C2CD2: variants seen among roughly 807,000 people sequenced by gnomAD.
The protein encoded by C2CD2 is C2 calcium dependent domain containing 2.
A neutral mutation model predicts 74.3 loss-of-function variants in C2CD2; 43 were observed. The ratio of observed to expected loss-of-function variants is 0.58; its 90% CI spans 0.45 to 0.75. The LOEUF (loss-of-function observed/expected upper bound fraction) is 0.75, where lower values mean the gene tolerates loss of function less well. Ranked by LOEUF, C2CD2 falls within the 30% of genes least tolerant of loss-of-function variation. C2CD2 has a pLI of 0.00. For synonymous variants in C2CD2, 422 were observed against 390.7 expected, an observed-to-expected ratio of 1.08 and a Z score of -0.94; for missense variants, 801 against 916.3, an observed-to-expected ratio of 0.87 and a Z score of 1.63.
intron 4 of C2CD2, 88 bp from the exon 5 acceptor site, chr21:41,918,315 C>A (rs987962655): frequency 1.4e-6 from 2 of 1,388,744 alleles, no homozygotes; most frequent in Admixed American, 2.2e-5. Flanking sequence ...TAAAACCATG[C>A]AAAGTAGGAA....
At position 41,896,502 on chromosome 21, in the gene C2CD2, A is replaced by T. The variant is rs75763082; in HGVS notation, c.1870+2551T>A. ...TACCCTCTTAACCATTTCTACCGGCACAGCTCAGTGGTGCTGAGTATATCC... is the reference window on the plus strand; with the variant it reads ...TACCCTCTTAACCATTTCTACCGGCTCAGCTCAGTGGTGCTGAGTATATCC... On this transcript the variant is annotated intron_variant, in intron 13 of 13. Transcript: ENST00000380486. 4.1e-3 allele frequency among the ~76,000 whole-genome samples: 628 copies of T among 152,230 alleles called. 5 individuals are homozygous for T. The highest frequency in any genetic ancestry group is 0.014 in the African/African-American group (585 of 41,532).
intron 3 of C2CD2, among the ~76,000 whole-genome samples, chr21:41,919,703 G>A (rs74560639): frequency 2.0e-5 from 3 of 152,162 alleles, no homozygotes; most frequent in African/African-American, 7.2e-5. Flanking sequence ...TGCTGGGGCC[G>A]CCACAGCAGC....
rs767060401 is a variant in C2CD2, at chr21:41,942,212, G to A, written c.313C>T (p.Arg105Trp). 35 of 1,549,486 alleles carry A rather than the reference G, an allele frequency of 2.3e-5. No homozygotes were observed. The highest frequency in any genetic ancestry group is 1.2e-4 in the Admixed American group (6 of 50,980). ...PPFLSFEEDP[R>W]QQALELVVQE... ...ACCACCAGCTCCAGTGCCTGCTGCC[G>A]CGGGTCCTCCTCAAAGGACAGGAAA... Residue 105 changes from arginine to tryptophan, a missense_variant, in exon 2 of 14, where the codon CGG (arginine) becomes TGG (tryptophan). Coordinates refer to ENST00000380486, the MANE Select transcript of C2CD2 (RefSeq NM_015500.2).
At chr21:41,901,472 T>C (rs2064895775) in intron 12 of C2CD2, 150 bp downstream of exon 12, 2 of 810,630 alleles carry the variant, frequency 2.5e-6, no homozygotes, top group East Asian at 5.2e-5. Flanking sequence ...ACATGACTCC[T>C]TTGTGGGGTG....
intron 1 of C2CD2, among the ~76,000 whole-genome samples, chr21:41,943,611 G>C (rs1257474015): frequency 6.6e-6 from 1 of 152,206 alleles, no homozygotes; most frequent in Non-Finnish European, 1.5e-5. Context: ...GCTAGGTCCA[G>C]CTACAAGGCG....
In C2CD2 at chr21:41,923,095, A is replaced by G. The variant is rs1249267851; in HGVS notation, c.379-1010T>C. 2.0e-5 allele frequency among the ~76,000 whole-genome samples: 3 copies of G among 151,512 alleles called. No homozygotes were observed. Among genetic ancestry groups the G allele is most frequent in the Non-Finnish European group, 4.4e-5 (3 of 67,958 alleles). ...ACTGCAACCTCCGCCTCCCGGGTTC[A>G]CACGATTCTCCTGCCTCAAACTCCC... is the stretch of plus-strand genomic sequence containing the variant. On this transcript the variant is annotated intron_variant, in intron 2 of 13. Coordinates refer to ENST00000380486, the MANE Select transcript of C2CD2 (RefSeq NM_015500.2). This position sits in a 1 kb window ranked among gnomAD's most constrained non-coding sequence, Gnocchi z 5.8.
At chr21:41,910,381 C>T (rs2065013471) in intron 7 of C2CD2, among the ~76,000 whole-genome samples, 1 of 152,098 alleles carries the variant, frequency 6.6e-6, no homozygotes, top group Admixed American at 6.5e-5. Flanking sequence ...CTTAGGAAAA[C>T]TCTAATTGCC....
Position 41,885,719 on chromosome 21 carries a change from C to T in C2CD2, c.*3405G>A, listed in dbSNP as rs936294891. 6.6e-6 allele frequency: 1 copy of T among 152,586 alleles called. No homozygotes were observed. The highest frequency in any genetic ancestry group is 1.5e-5 in the Non-Finnish European group (1 of 68,064). 9.5% of individuals were successfully genotyped at this position (152,586 alleles called of 1,614,324 possible). ...CGTGAGATTACTACCCAGGAAACACCTGCCTTCGGTGGCCAGCAGTGTAAA... is the reference window on the plus strand; with the variant it reads ...CGTGAGATTACTACCCAGGAAACACTTGCCTTCGGTGGCCAGCAGTGTAAA... On this transcript the variant is annotated 3_prime_UTR_variant, in exon 14 of 14. Coordinates refer to ENST00000380486, the MANE Select transcript of C2CD2 (RefSeq NM_015500.2).
Position 41,953,718 on chromosome 21 carries a change from C to CA in C2CD2, c.-71_-70insT, listed in dbSNP as rs2065470445. ...GGGCCGGAACGGCGGACTCAGGACA[C>CA]GCGCTGGCTGCGGCCACAGCGCGCT... On this transcript the variant is annotated 5_prime_UTR_variant, in exon 1 of 14. Coordinates refer to ENST00000380486, the MANE Select transcript of C2CD2 (RefSeq NM_015500.2). The CA allele has an allele frequency of 1.6e-6, 2 of 1,261,046 alleles. No homozygotes were observed. 78.1% of individuals were successfully genotyped at this position (1,261,046 alleles called of 1,614,324 possible). A position where few individuals can be genotyped will look rare whatever the true frequency, so the allele number is the denominator to read the frequency against.
rs1306562845 is a variant in C2CD2 at position 41,926,916 on chromosome 21, AAAGG to A, written c.379-4835_379-4832del. On this transcript the variant is annotated intron_variant, in intron 2 of 13. Coordinates refer to ENST00000380486, the MANE Select transcript of C2CD2 (RefSeq NM_015500.2). This position sits in a 1 kb window ranked among gnomAD's most constrained non-coding sequence, Gnocchi z 8.0. ...CACCCAAGGAAAGAACTCCCAAATA[AAAGG>A]AAGGCAAAGACCCTTCAGTAATCAT... 1.3e-5 allele frequency among the ~76,000 whole-genome samples: 2 copies of A among 152,216 alleles called. No individual in the cohort carries two copies. Among genetic ancestry groups the A allele is most frequent in the Non-Finnish European group, 2.9e-5 (2 of 68,040 alleles).
At position 41,923,376 on chromosome 21, in the gene C2CD2, A is replaced by G. The variant is rs115245361; in HGVS notation, c.379-1291T>C. ...TAATTCCCCAAATGTTTCCACATTC[A>G]TACACAGTCAAAGCCATTAGCCAAG... On this transcript the variant is annotated intron_variant, in intron 2 of 13. Transcript: ENST00000380486. This position sits in a 1 kb window ranked among gnomAD's most constrained non-coding sequence, Gnocchi z 5.8. Among the ~76,000 whole-genome samples the G allele has an allele frequency of 5.8e-3, 887 of 152,338 alleles. 9 individuals carry two copies. Among genetic ancestry groups the G allele is most frequent in the African/African-American group, 0.02 (852 of 41,574 alleles).
intron 13 of C2CD2, 64 bp from the exon 14 acceptor site, chr21:41,889,408 C>T: frequency 1.8e-6 from 2 of 1,127,804 alleles, no homozygotes; most frequent in East Asian, 2.4e-5. Context: ...ATGACTGGTC[C>T]AATCGGACAA....
At position 41,899,299 on chromosome 21, in the gene C2CD2, T is replaced by C. The variant is rs2064863797; in HGVS notation, c.1624A>G (p.Thr542Ala). The C allele has an allele frequency of 1.2e-6, 2 of 1,610,892 alleles. No individual in the cohort carries two copies. The highest frequency in any genetic ancestry group is 2.2e-5 in the South Asian group (2 of 91,036). Reference sequence around the variant, plus strand: ...TGGGATGGGGCGTCCTCCTGGTGGGTGCTGTCCACAGAGGCCGTGTAGCCC... The same window carrying C: ...TGGGATGGGGCGTCCTCCTGGTGGGCGCTGTCCACAGAGGCCGTGTAGCCC... ...MQGYTASVDS[T>A]HQEDAPSHPE... The change falls in exon 13 of 14, where the codon ACC becomes GCC. Residue 542 changes from threonine (T) to alanine (A), a missense_variant. Coordinates refer to ENST00000380486, the MANE Select transcript of C2CD2 (RefSeq NM_015500.2). This position sits in a 1 kb window ranked among gnomAD's most constrained non-coding sequence, Gnocchi z 4.4.
At chr21:41,898,461 G>C (rs1372053418) in intron 13 of C2CD2, among the ~76,000 whole-genome samples, 2 of 152,194 alleles carry the variant, frequency 1.3e-5, no homozygotes, top group African/African-American at 4.8e-5. Flanking sequence ...ACACGCTTAA[G>C]GAATTTATAG....
At chr21:41,943,535 C>T (rs371081357) in intron 1 of C2CD2, among the ~76,000 whole-genome samples, 3 of 152,094 alleles carry the variant, frequency 2.0e-5, no homozygotes, top group South Asian at 2.1e-4. Flanking sequence ...CAATGAGCTC[C>T]GACTGGGTGG....
At position 41,889,150 on chromosome 21, in the gene C2CD2, C is replaced by T. The variant is rs199638205; in HGVS notation, c.2065G>A (p.Gly689Ser). ...SRHRNKNTMN[G>S]APVEPCT is the part of the protein sequence containing the mutation. ...TACGTGCAGGGCTCCACGGGGGCAC[C>T]GTTCATGGTGTTCTTGTTTCTGTGC... is the stretch of plus-strand genomic sequence containing the variant. Residue 689 changes from glycine (G) to serine (S), a missense_variant, in exon 14 of 14, where the codon GGT (glycine) becomes AGT (serine). Coordinates refer to ENST00000380486, the MANE Select transcript of C2CD2 (RefSeq NM_015500.2). 154 of 1,612,294 alleles carry T rather than the reference C, an allele frequency of 9.6e-5. No homozygotes were observed. The highest frequency in any genetic ancestry group is 1.7e-4 in the African/African-American group (13 of 74,930).
intron 3 of C2CD2, 69 bp downstream of exon 3, chr21:41,921,903 C>T (rs2065157706): frequency 3.2e-6 from 3 of 937,500 alleles, no homozygotes; most frequent in African/African-American, 1.6e-5. Flanking sequence ...TGACTCACAC[C>T]ATGCTCACTC....
chr21:41,889,707 C>T (rs1434324239), intron 13 of C2CD2, among the ~76,000 whole-genome samples: 1 of 151,478 alleles, frequency 6.6e-6, no homozygotes, highest in Non-Finnish European at 1.5e-5. Flanking sequence ...GATCTTGGCT[C>T]ACTGCAACCT....
chr21:41,933,942 C>CAAG (rs1451347246), intron 2 of C2CD2, among the ~76,000 whole-genome samples: 1 of 152,124 alleles, frequency 6.6e-6, no homozygotes, highest in Admixed American at 6.6e-5. Flanking sequence ...CAAAACAAAA[C>CAAG]AAGAGTCCGT....
Sources: gnomAD v4.1 joint callset for allele counts (sites outside exome capture counted in the v4.1 genomes callset) on GRCh38, gnomAD v4.1.1 for gene constraint, Gnocchi (gnomAD v3.1) non-coding constraint, MANE v1.5 for transcripts, NCBI Gene and HGNC (gene_info 2026-07-23, HGNC 2026-07-21) for gene names.